Variants in BCCIP observed in about 807,000 individuals in gnomAD.
The protein encoded by BCCIP is BRCA2 and CDKN1A interacting protein.
A neutral mutation model predicts 32.8 loss-of-function variants in BCCIP; 23 were observed. The observed-to-expected ratio is 0.70, with a 90% CI of 0.51 to 0.99. The LOEUF (loss-of-function observed/expected upper bound fraction) is 0.99. Ranked by LOEUF, BCCIP falls within the 50% of genes least tolerant of loss-of-function variation. BCCIP has a pLI of 0.00. For synonymous variants in BCCIP, 144 were observed against 137.6 expected (o/e 1.05, Z -0.33); for missense variants, 378 against 379.8 (o/e 1.00, Z 0.04).
intron 6 of BCCIP, among the ~76,000 whole-genome samples, chr10:125,835,860 C>T (rs1854666815): frequency 1.3e-5 from 2 of 152,232 alleles, no homozygotes. Flanking sequence ...GCTGCTTGTT[C>T]ACCTCTTAGA....
intron 7 of BCCIP, among the ~76,000 whole-genome samples, chr10:125,850,594 AT>A (rs1333984079): frequency 6.6e-6 from 1 of 151,742 alleles, no homozygotes; most frequent in Non-Finnish European, 1.5e-5. Flanking sequence ...ACCTGAGGTG[AT>A]CCACCCACCT....
At chr10:125,838,681 C>G (rs954279829), downstream of BCCIP, among the ~76,000 whole-genome samples, 1 of 152,172 alleles carries the variant, frequency 6.6e-6, no homozygotes, top group Non-Finnish European at 1.5e-5. Flanking sequence ...ACCCACCATA[C>G]TATGGGCGAC....
At chr10:125,853,323 A>G (rs756925086) in exon 8 of BCCIP, 14 of 792,496 alleles carry the variant, frequency 1.8e-5, no homozygotes, top group Non-Finnish European at 2.6e-5. Context: ...AAATTAGTCA[A>G]TATTTGTTAG....
chr10:125,845,262 C>G (rs927575772), downstream of BCCIP, among the ~76,000 whole-genome samples: 8 of 152,208 alleles, frequency 5.3e-5, no homozygotes, highest in Admixed American at 5.2e-4. Flanking sequence ...GGAAGTCTGT[C>G]TACTCAGGTG....
chr10:125,834,059 C>CT (rs1482130766), intron 6 of BCCIP, 113 bp downstream of exon 6: 1 of 1,169,988 alleles, frequency 8.5e-7, no homozygotes, highest in East Asian at 2.4e-5. Context: ...TGTGGCTACT[C>CT]TGTTTTTCTG....
chr10:125,829,031 C>T (rs1854467310), intron 3 of BCCIP, among the ~76,000 whole-genome samples: 1 of 152,150 alleles, frequency 6.6e-6, no homozygotes, highest in Non-Finnish European at 1.5e-5. Flanking sequence ...CCATTTCCAC[C>T]ATTTGCTTAG....
chr10:125,846,671 T>C (rs1242606864), downstream of BCCIP, among the ~76,000 whole-genome samples: 4 of 152,218 alleles, frequency 2.6e-5, no homozygotes, highest in Non-Finnish European at 5.9e-5. Flanking sequence ...TTATAGGAAC[T>C]GTACCTTCAC....
chr10:125,823,585 G>T lies in BCCIP; in HGVS notation c.28G>T (p.Val10Leu). ...GGCGTCCAGGTCTAAGCGGCGTGCC[G>T]TGGAAAGTGGGGTTCCGCAGCCGCC... MASRSKRRA[V>L]ESGVPQPPDP... The change falls in exon 1 of 7, where the codon GTG (valine) becomes TTG (leucine). Residue 10 changes from valine (V) to leucine (L), a missense_variant. Coordinates refer to ENST00000278100, the MANE Select transcript of BCCIP (RefSeq NM_078468.3). 1 of 1,613,994 alleles carries T rather than the reference G, an allele frequency of 6.2e-7. No homozygotes were observed. The highest frequency in any genetic ancestry group is 8.5e-7 in the Non-Finnish European group (1 of 1,179,934).
At chr10:125,840,315 C>T (rs1280671903), downstream of BCCIP, among the ~76,000 whole-genome samples, 1 of 152,190 alleles carries the variant, frequency 6.6e-6, no homozygotes, top group African/African-American at 2.4e-5. Flanking sequence ...CTTTGACATG[C>T]GCCATTCTCT....
intron 7 of BCCIP, chr10:125,852,683 A>C: frequency 6.5e-7 from 1 of 1,547,054 alleles, no homozygotes; most frequent in Non-Finnish European, 8.8e-7. Context: ...CAGATAAGTC[A>C]TGATTCAGTA....
downstream of BCCIP, among the ~76,000 whole-genome samples, chr10:125,840,257 G>A (rs1854834471): frequency 6.6e-6 from 1 of 152,160 alleles, no homozygotes; most frequent in Non-Finnish European, 1.5e-5. Context: ...CCTGTGACAG[G>A]TAAGCTACCC....
intron 3 of BCCIP, among the ~76,000 whole-genome samples, chr10:125,828,371 G>A (rs1417926838): frequency 6.6e-6 from 1 of 152,146 alleles, no homozygotes; most frequent in African/African-American, 2.4e-5. Context: ...GGAGTTGGTC[G>A]TAAATGTTAC....
intron 3 of BCCIP, 32 bp from the exon 4 acceptor site, chr10:125,830,530 A>G (rs1487771077): frequency 1.4e-5 from 20 of 1,399,216 alleles, no homozygotes; most frequent in Non-Finnish European, 1.9e-5. Context: ...TATACTAAAT[A>G]TAACATTTAA....
At chr10:125,853,294 C>A in exon 8 of BCCIP, 2 of 1,058,354 alleles carry the variant, frequency 1.9e-6, no homozygotes, top group South Asian at 2.0e-5. Context: ...GATAAAACAT[C>A]TCGGCACCTA....
intron 5 of BCCIP, 49 bp downstream of exon 5, chr10:125,831,656 T>C (rs533326147): frequency 5.9e-6 from 9 of 1,523,558 alleles, no homozygotes; most frequent in East Asian, 2.3e-5. Flanking sequence ...TTTTTTCAAA[T>C]AGATTCCTAA....
At chr10:125,845,654 A>G (rs1405379311), downstream of BCCIP, among the ~76,000 whole-genome samples, 2 of 152,214 alleles carry the variant, frequency 1.3e-5, no homozygotes, top group Admixed American at 6.5e-5. Flanking sequence ...TTGAGTCATT[A>G]GAGTTGGAAA....
chr10:125,840,739 T>A, downstream of BCCIP: 1 of 1,275,184 alleles, frequency 7.8e-7, no homozygotes, highest in East Asian at 2.5e-5. Context: ...TGCATTCAAG[T>A]GGCCAGTAGG....
chr10:125,840,345 C>T (rs1854836728), downstream of BCCIP, among the ~76,000 whole-genome samples: 1 of 152,236 alleles, frequency 6.6e-6, no homozygotes, highest in Non-Finnish European at 1.5e-5. Context: ...ACCCTCTGCT[C>T]TCCTCTATCA....
chr10:125,841,421 T>A, downstream of BCCIP: 1 of 1,587,112 alleles, frequency 6.3e-7, no homozygotes, highest in African/African-American at 1.3e-5. Flanking sequence ...GCACACAACA[T>A]TATTTGGGGA....
Sources: gnomAD v4.1 joint callset for allele counts (sites outside exome capture counted in the v4.1 genomes callset) on GRCh38, gnomAD v4.1.1 for gene constraint, MANE v1.5 for transcripts, NCBI Gene and HGNC (gene_info 2026-07-23, HGNC 2026-07-21) for gene names.